The following TRPM7 variants were observed in gnomAD, a reference collection of about 807,000 sequenced individuals.
The protein encoded by TRPM7 is LTRPC ion channel family member 7.
A neutral mutation model predicts 229.7 loss-of-function variants in TRPM7; 134 were observed. The ratio of observed to expected loss-of-function variants is 0.58; its 90% CI spans 0.51 to 0.67. The LOEUF is 0.67. Ranked by LOEUF, TRPM7 falls within the 30% of genes least tolerant of loss-of-function variation. The probability of loss-of-function intolerance (pLI) is 0.00; values close to 1 mark genes in which losing one functional copy is unlikely to be tolerated. For synonymous variants in TRPM7, 699 were observed against 715.2 expected, an observed-to-expected ratio of 0.98 and a Z score of 0.36; for missense variants, 1,901 against 2,210.0, an observed-to-expected ratio of 0.86 and a Z score of 2.80.
intron 28 of TRPM7, among the ~76,000 whole-genome samples, chr15:50,585,753 C>A (rs1230790950): frequency 6.6e-6 from 1 of 152,028 alleles, no homozygotes. Context: ...TCTTAAGGAA[C>A]CTTTATAATT....
At chr15:50,679,498 TGTGTATATATATA>T (rs2062182379) in intron 1 of TRPM7, among the ~76,000 whole-genome samples, 1 of 100,270 alleles carries the variant, frequency 1.0e-5, no homozygotes, top group South Asian at 3.2e-4. Flanking sequence ...ATTATATATA[TGTGTATATATATA>T]ATATATATAT....
intron 38 of TRPM7, among the ~76,000 whole-genome samples, chr15:50,566,741 T>C (rs2053616222): frequency 6.6e-6 from 1 of 152,012 alleles, no homozygotes. Context: ...AATCTAAGTT[T>C]CTACTTTAAT....
At chr15:50,639,974 A>G (rs2061041058) in intron 5 of TRPM7, among the ~76,000 whole-genome samples, 1 of 152,200 alleles carries the variant, frequency 6.6e-6, no homozygotes, top group Non-Finnish European at 1.5e-5. Context: ...AGGACCAAAA[A>G]GGAACAAAAA....
chr15:50,617,043 C>A (rs2060240471), intron 13 of TRPM7, among the ~76,000 whole-genome samples: 1 of 151,764 alleles, frequency 6.6e-6, no homozygotes, highest in Non-Finnish European at 1.5e-5. Flanking sequence ...GTAATCCCAG[C>A]AATTTGGGAG....
At chr15:50,608,896 A>G (rs1338535293) in intron 19 of TRPM7, among the ~76,000 whole-genome samples, 3 of 152,276 alleles carry the variant, frequency 2.0e-5, no homozygotes, top group Non-Finnish European at 2.9e-5. Flanking sequence ...ATTGCTAGGG[A>G]AAGTAGCACC....
intron 38 of TRPM7, among the ~76,000 whole-genome samples, chr15:50,563,399 T>C (rs1305208300): frequency 6.6e-6 from 1 of 152,194 alleles, no homozygotes. Flanking sequence ...AGGAACATCA[T>C]CAGATTTGTT....
At chr15:50,580,510 T>C (rs2078853251) in intron 30 of TRPM7, among the ~76,000 whole-genome samples, 1 of 152,162 alleles carries the variant, frequency 6.6e-6, no homozygotes, top group African/African-American at 2.4e-5. Flanking sequence ...TTGACTAGAA[T>C]GATGGATAGA....
At chr15:50,611,662 G>A (rs1440068906) in intron 16 of TRPM7, among the ~76,000 whole-genome samples, 1 of 152,198 alleles carries the variant, frequency 6.6e-6, no homozygotes, top group Non-Finnish European at 1.5e-5. Flanking sequence ...ACAGAAAACA[G>A]TTGGTACCTG....
In TRPM7 at chr15:50,559,583, C is replaced by T. The variant is rs1331489600; in HGVS notation, c.*2095G>A. The T allele has an allele frequency of 6.6e-6, 1 of 152,090 alleles. No individual in the cohort carries two copies. The highest frequency in any genetic ancestry group is 1.5e-5 in the Non-Finnish European group (1 of 68,040). The allele number at this position is 152,090 out of a possible 1,614,324, so 9.4% of individuals were successfully genotyped here. On this transcript the variant is annotated 3_prime_UTR_variant, in exon 39 of 39. Transcript: ENST00000646667. ...AGCCTGGGTTCAAATCCTACCGTTG[C>T]TACTTATTATTAAATAAACGTAAGA...
In TRPM7 at chr15:50,583,124, T is replaced by G. The variant is rs764348278; in HGVS notation, c.4522A>C (p.Thr1508Pro). ...KISRRPSTEDTHEVDSKAALI... is the reference protein window; with the variant it reads ...KISRRPSTEDPHEVDSKAALI... ...GCTGCTTTGGAATCTACTTCATGAG[T>G]GTCTTCGGTAGATGGCCTTCTACTG... The change falls in exon 29 of 39, where the codon ACT becomes CCT. Residue 1508 changes from threonine (T) to proline (P), a missense_variant. This residue lies in a region of TRPM7 where 533 missense variants were observed against 497.1 expected (regional missense o/e 1.07). Coordinates refer to ENST00000646667, the MANE Select transcript of TRPM7 (RefSeq NM_017672.6). 6.2e-7 allele frequency: 1 copy of G among 1,608,166 alleles called. No individual in the cohort carries two copies. The highest frequency in any genetic ancestry group is 8.5e-7 in the Non-Finnish European group (1 of 1,178,018).
intron 5 of TRPM7, among the ~76,000 whole-genome samples, chr15:50,643,092 C>T (rs912989041): frequency 6.6e-5 from 10 of 152,012 alleles, no homozygotes; most frequent in Non-Finnish European, 1.3e-4. Flanking sequence ...AGTTCGAGAC[C>T]AGCCTGACCA....
At chr15:50,669,936 T>C (rs1350873029) in intron 1 of TRPM7, among the ~76,000 whole-genome samples, 2 of 152,220 alleles carry the variant, frequency 1.3e-5, no homozygotes, top group African/African-American at 4.8e-5. Context: ...GTTTTACTTA[T>C]TTTGCTTTAC....
At chr15:50,638,927 C>T (rs184522786) in intron 6 of TRPM7, among the ~76,000 whole-genome samples, 2 of 152,240 alleles carry the variant, frequency 1.3e-5, no homozygotes, top group African/African-American at 2.4e-5. Context: ...GTGATCAGCC[C>T]GCCTCAGCCT....
intron 13 of TRPM7, among the ~76,000 whole-genome samples, chr15:50,615,868 C>T (rs1386120544): frequency 2.0e-5 from 3 of 152,136 alleles, no homozygotes; most frequent in African/African-American, 7.2e-5. Context: ...TGCACTCTAG[C>T]ATGGGCAACA....
chr15:50,632,254 C>T (rs1347150787), intron 9 of TRPM7, among the ~76,000 whole-genome samples: 6 of 150,898 alleles, frequency 4.0e-5, no homozygotes, highest in African/African-American at 1.5e-4. Flanking sequence ...GATTGCACCA[C>T]GGCACTCCAG....
intron 38 of TRPM7, among the ~76,000 whole-genome samples, chr15:50,568,854 G>A (rs909368425): frequency 3.3e-5 from 5 of 151,908 alleles, no homozygotes; most frequent in African/African-American, 7.2e-5. Flanking sequence ...GTTGTGGCAC[G>A]TGCCTGTAGT....
In TRPM7 at chr15:50,637,234, A is replaced by G. The variant is rs546552316; in HGVS notation, c.832+188T>C. On this transcript the variant is annotated intron_variant, in intron 7 of 38. Coordinates refer to ENST00000646667, the MANE Select transcript of TRPM7 (RefSeq NM_017672.6). ...TTTTTGGTTTTAGCCTTGATAACTG[A>G]GTACCCAATTTTCACTTCTTTTCCT... Among the ~76,000 whole-genome samples, 70 of 152,230 alleles carry G rather than the reference A, an allele frequency of 4.6e-4. 1 individual carries two copies. The highest frequency in any genetic ancestry group is 1.6e-3 in the African/African-American group (66 of 41,536).
intron 5 of TRPM7, among the ~76,000 whole-genome samples, chr15:50,643,017 C>T (rs1015022663): frequency 2.0e-5 from 3 of 152,118 alleles, no homozygotes; most frequent in Non-Finnish European, 4.4e-5. Flanking sequence ...AAGGGCCGGG[C>T]GTGGTGGCTA....
chr15:50,667,486 A>G (rs1325295723), intron 1 of TRPM7, among the ~76,000 whole-genome samples: 2 of 152,238 alleles, frequency 1.3e-5, no homozygotes, highest in Non-Finnish European at 2.9e-5. Flanking sequence ...TGGGCGGATC[A>G]CTTGAGGCCA....
Sources: gnomAD v4.1 joint callset for allele counts (sites outside exome capture counted in the v4.1 genomes callset) on GRCh38, gnomAD v4.1.1 for gene constraint, gnomAD v4.1.1 regional missense constraint, MANE v1.5 for transcripts, NCBI Gene and HGNC (gene_info 2026-07-23, HGNC 2026-07-21) for gene names.